The following ZNF469 variants were observed in gnomAD, a reference collection of about 807,000 sequenced individuals.
ZNF469 encodes zinc finger protein 469.
Under a neutral mutation model 1.0 loss-of-function variants are expected in ZNF469, and 1 was observed. That is an observed-to-expected ratio of 1.00 (90% confidence interval 0.35 to 4.73). The LOEUF is 4.73. Ranked by LOEUF, ZNF469 falls within the 30% of genes most tolerant of loss-of-function variation. The probability of loss-of-function intolerance (pLI) is 0.16; values close to 1 mark genes in which losing one functional copy is unlikely to be tolerated. For synonymous variants in ZNF469, 2,703 were observed against 2,363.4 expected (o/e 1.14, Z -4.17); for missense variants, 6,100 against 5,356.3 (o/e 1.14, Z -4.33).
At chr16:88,209,005 C>T in the ZNF469 span, among the ~76,000 whole-genome samples, 1 of 152,178 alleles carries the variant, frequency 6.6e-6, no homozygotes, top group Non-Finnish European at 1.5e-5. Context: ...ACCCACCCCA[C>T]TGTGGAAACC....
At chr16:88,147,796 G>C in the ZNF469 span, among the ~76,000 whole-genome samples, 7 of 152,162 alleles carry the variant, frequency 4.6e-5, no homozygotes, top group Non-Finnish European at 8.8e-5. Context: ...CACAGCCCAC[G>C]TGCAGCTGAC....
chr16:88,295,692 G>A, the ZNF469 span, among the ~76,000 whole-genome samples: 1 of 152,172 alleles, frequency 6.6e-6, no homozygotes, highest in East Asian at 1.9e-4. Flanking sequence ...ACATGGGCCA[G>A]GCCCCCGGGA....
In ZNF469 at chr16:88,429,794, C is replaced by T. The variant is rs900564328; in HGVS notation, c.2324C>T (p.Ser775Leu). The T allele has an allele frequency of 1.4e-5, 22 of 1,544,808 alleles. No homozygotes were observed. In the Admixed American group the frequency reaches 2.2e-4, roughly 15 times the overall value. Residue 775 changes from serine (S) to leucine (L), a missense_variant, in exon 3 of 3, where the codon TCG becomes TTG. Coordinates refer to ENST00000565624, the MANE Select transcript of ZNF469 (RefSeq NM_001367624.2). ...QRSPGPPGLP[S>L]PPAAPRVPAD... ...TCTCCAGGCCCCCCTGGGCTCCCCT[C>T]GCCCCCCGCTGCCCCCAGAGTCCCT...
chr16:88,120,785 ACGG>A, the ZNF469 span, among the ~76,000 whole-genome samples: 1 of 152,138 alleles, frequency 6.6e-6, no homozygotes, highest in African/African-American at 2.4e-5. Flanking sequence ...GAGCTTGTCG[ACGG>A]CGTCTCGTAT....
the ZNF469 span, among the ~76,000 whole-genome samples, chr16:88,346,319 G>A: frequency 6.6e-6 from 1 of 152,148 alleles, no homozygotes; most frequent in Non-Finnish European, 1.5e-5. Context: ...CGAGTGTGCT[G>A]GGGACCCAGC....
chr16:88,125,176 G>A, the ZNF469 span, among the ~76,000 whole-genome samples: 1 of 152,086 alleles, frequency 6.6e-6, no homozygotes, highest in Non-Finnish European at 1.5e-5. Context: ...GTTGAAAATT[G>A]ACCATTTATG....
chr16:88,213,247 C>T, the ZNF469 span, among the ~76,000 whole-genome samples: 8 of 152,080 alleles, frequency 5.3e-5, no homozygotes, highest in South Asian at 6.3e-4. Flanking sequence ...TACAGGCGCC[C>T]GCCACCACGC....
rs1267392291 is a variant in ZNF469 at position 88,431,475 on chromosome 16, A to G, written c.4005A>G (p.Ser1335=). 1.2e-5 allele frequency: 18 copies of G among 1,550,236 alleles called. No individual in the cohort carries two copies. The highest frequency in any genetic ancestry group is 1.6e-5 in the Non-Finnish European group (18 of 1,146,982). Reference sequence around the variant, plus strand: ...TTCTGGCACCCGTGGCTAACCCCTCAAGTACCGCCTGCCCCAAACCCAGTG... The same window carrying G: ...TTCTGGCACCCGTGGCTAACCCCTCGAGTACCGCCTGCCCCAAACCCAGTG... ...GEFLAPVANP[S]STACPKPSVL... Residue 1335 remains serine (S), a synonymous_variant, in exon 3 of 3, where the codon TCA becomes TCG. Transcript: ENST00000565624.
the ZNF469 span, among the ~76,000 whole-genome samples, chr16:88,186,666 C>G: frequency 6.6e-6 from 1 of 152,262 alleles, no homozygotes; most frequent in South Asian, 2.1e-4. Context: ...GAGGATCGTG[C>G]GGCGGTCAAA....
chr16:88,428,275 AG>A lies in ZNF469; in HGVS notation c.809del (p.Gly270GlufsTer76). Reference protein sequence around the residue: ...PKGSRPGGSPRGVSFQFPFPA... With the variant: ...PKGSRPGGSPXGVSFQFPFPA... ...AGGCAGCAGGCCCGGCGGCAGCCCC[AG>A]GGGAGTTTCCTTCCAGTTCCCCTTC... On this transcript the variant is annotated frameshift_variant, in exon 3 of 3. Transcript: ENST00000565624. LOFTEE classifies it low-confidence loss of function (END_TRUNC). The A allele has an allele frequency of 6.5e-7, 1 of 1,550,368 alleles. No homozygotes were observed.
upstream of ZNF469, among the ~76,000 whole-genome samples, chr16:88,381,384 GCATT>G (rs1338810145): frequency 5.3e-5 from 7 of 131,602 alleles, no homozygotes; most frequent in South Asian, 2.9e-4. Context: ...ACAGAGACAT[GCATT>G]CACACACACG....
the ZNF469 span, among the ~76,000 whole-genome samples, chr16:88,134,674 C>T: frequency 3.9e-5 from 6 of 152,296 alleles, no homozygotes; most frequent in African/African-American, 1.4e-4. Flanking sequence ...TGGGTGTGCC[C>T]GCCTCCTCAC....
the ZNF469 span, among the ~76,000 whole-genome samples, chr16:88,356,686 C>T: frequency 3.9e-5 from 6 of 152,202 alleles, no homozygotes; most frequent in African/African-American, 1.2e-4. Flanking sequence ...CAAGGCACCA[C>T]GGAGAAAACC....
chr16:88,313,789 T>G, the ZNF469 span, among the ~76,000 whole-genome samples: 1 of 152,106 alleles, frequency 6.6e-6, no homozygotes, highest in Non-Finnish European at 1.5e-5. Flanking sequence ...ATTCAGGCAG[T>G]GCTGCTGTGG....
chr16:88,226,008 C>G, the ZNF469 span, among the ~76,000 whole-genome samples: 1 of 152,058 alleles, frequency 6.6e-6, no homozygotes, highest in Non-Finnish European at 1.5e-5. Context: ...CTCTGTAGCC[C>G]CAGGATGGTC....
At chr16:88,230,449 G>T in the ZNF469 span, among the ~76,000 whole-genome samples, 1 of 152,000 alleles carries the variant, frequency 6.6e-6, no homozygotes, top group East Asian at 1.9e-4. Context: ...GATGAGCAGG[G>T]GTCACTGTGG....
At chr16:88,371,091 T>C in the ZNF469 span, among the ~76,000 whole-genome samples, 1 of 152,244 alleles carries the variant, frequency 6.6e-6, no homozygotes, top group Non-Finnish European at 1.5e-5. Context: ...ATGGCCCACA[T>C]GCTCCTCTGA....
the ZNF469 span, among the ~76,000 whole-genome samples, chr16:88,135,764 T>C: frequency 1.4e-5 from 2 of 139,316 alleles, no homozygotes; most frequent in African/African-American, 5.1e-5. Context: ...TTTTTTTTTT[T>C]TTTTTTTTTT....
chr16:88,278,750 G>T, the ZNF469 span, among the ~76,000 whole-genome samples: 1 of 137,142 alleles, frequency 7.3e-6, no homozygotes, highest in Non-Finnish European at 1.6e-5. Flanking sequence ...TGCACGGTTA[G>T]TGCTGCGCCA....
Sources: gnomAD v4.1 joint callset for allele counts (sites outside exome capture counted in the v4.1 genomes callset) on GRCh38, gnomAD v4.1.1 for gene constraint, MANE v1.5 for transcripts, NCBI Gene and HGNC (gene_info 2026-07-23, HGNC 2026-07-21) for gene names.